Variants in AEBP2 observed in about 807,000 individuals in gnomAD.
AEBP2 encodes the protein zinc finger protein AEBP2.
Under a neutral mutation model 50.8 loss-of-function variants are expected in AEBP2, and 10 were observed. The observed-to-expected ratio is 0.20, with a 90% CI of 0.12 to 0.33. The LOEUF (loss-of-function observed/expected upper bound fraction) is 0.33. Among genes scored for constraint, AEBP2 ranks in the 10% least tolerant of loss-of-function variants. The probability of loss-of-function intolerance (pLI) is 1.00; values close to 1 mark genes in which losing one functional copy is unlikely to be tolerated. For missense variants in AEBP2, 570 were observed against 688.0 expected, an observed-to-expected ratio of 0.83 and a Z score of 1.92; for synonymous variants, 296 against 261.3, an observed-to-expected ratio of 1.13 and a Z score of -1.28.
rs931415389 is a variant in AEBP2, at chr12:19,519,794, C to T, written c.*1677C>T. 2.6e-5 allele frequency: 4 copies of T among 152,320 alleles called. No individual in the cohort carries two copies. Among genetic ancestry groups the T allele is most frequent in the Admixed American group, 1.3e-4 (2 of 15,258 alleles). The allele number at this position is 152,320 out of a possible 1,614,324, so 9.4% of individuals were successfully genotyped here. A position where few individuals can be genotyped will look rare whatever the true frequency, so the allele number is the denominator to read the frequency against. ...TGTAAAAATTATGAGAGACTTTATT[C>T]GTTAACAATGGGGGTAAAGAGCTAT... On this transcript the variant is annotated 3_prime_UTR_variant, in exon 8 of 8. Transcript: ENST00000266508.
At chr12:19,476,009 G>A (rs1948643716) in intron 3 of AEBP2, among the ~76,000 whole-genome samples, 1 of 152,052 alleles carries the variant, frequency 6.6e-6, no homozygotes, top group African/African-American at 2.4e-5. Flanking sequence ...TCTTTTATGT[G>A]CAGAAGCTGA....
chr12:19,449,695 C>T (rs1038043392), intron 1 of AEBP2, among the ~76,000 whole-genome samples: 1 of 152,128 alleles, frequency 6.6e-6, no homozygotes, highest in Non-Finnish European at 1.5e-5. Context: ...TTTTAAATTA[C>T]AGTGGTAATA....
rs561379909 is a variant in AEBP2, at chr12:19,512,104, C to T, written c.1300-294C>T. Among the ~76,000 whole-genome samples, 13 of 152,104 alleles carry T rather than the reference C, an allele frequency of 8.5e-5. No individual in the cohort carries two copies. The East Asian group carries it at 9.7e-4, about 11-fold the overall frequency. ...TGGCGTGATCTTGGCTCACTGCAAC[C>T]GCCACCTCCTGGGTTCAAGTGATTC... On this transcript the variant is annotated intron_variant, in intron 5 of 7. Transcript: ENST00000266508.
In AEBP2 at chr12:19,440,311, G is replaced by T. The variant is rs2153366001; in HGVS notation, c.612G>T (p.Arg204=). The T allele has an allele frequency of 6.8e-7, 1 of 1,466,908 alleles. No homozygotes were observed. The allele number at this position is 1,466,908 out of a possible 1,614,324, so 90.9% of individuals were successfully genotyped here. Residue 204 remains arginine (R), a synonymous_variant, in exon 1 of 8, where the codon CGG becomes CGT. Coordinates refer to ENST00000266508, the MANE Select transcript of AEBP2 (RefSeq NM_153207.5). ...GCAGCGCGACCTCCGGGGGCCGGCG[G>T]GGCAGCTTGGAGATGTCGTCGGATG... ...GGSSATSGGR[R]GSLEMSSDGE...
chr12:19,489,296 G>C (rs1948860639), intron 3 of AEBP2, among the ~76,000 whole-genome samples: 1 of 152,220 alleles, frequency 6.6e-6, no homozygotes, highest in Non-Finnish European at 1.5e-5. Context: ...AGGGGAAGCA[G>C]TATCTCTTCT....
In AEBP2 at chr12:19,485,583, C is replaced by T. The variant is rs111249693; in HGVS notation, c.988-8217C>T. ...AATTAGCCGGGCGTGTTGGCATGTA[C>T]CTGTAGACCCACCTACTCAGGAAGG... On this transcript the variant is annotated intron_variant, in intron 3 of 7. Transcript: ENST00000266508. Among the ~76,000 whole-genome samples the T allele has an allele frequency of 2.6e-5, 4 of 151,700 alleles. 1 individual carries two copies. Among genetic ancestry groups the T allele is most frequent in the African/African-American group, 9.7e-5 (4 of 41,382 alleles).
chr12:19,509,404 T>G (rs185613565), intron 5 of AEBP2, among the ~76,000 whole-genome samples: 266 of 152,288 alleles, frequency 1.7e-3, no homozygotes, highest in Middle Eastern at 6.8e-3. Flanking sequence ...TTGGCTTGAT[T>G]AGTTAAAGCT....
Position 19,464,354 on chromosome 12 carries a change from G to T in AEBP2, c.879+1637G>T, listed in dbSNP as rs1592738840. Among the ~76,000 whole-genome samples the T allele has an allele frequency of 3.3e-5, 5 of 152,186 alleles. No homozygotes were observed. The East Asian group carries it at 7.8e-4, about 24-fold the overall frequency. On this transcript the variant is annotated intron_variant, in intron 2 of 7. Transcript: ENST00000266508. ...CCATTTTTGAGCATCATGGCATGAT[G>T]CTTTTTTGTCACTTGACTTAGCAAC... is the stretch of plus-strand genomic sequence containing the variant.
intron 3 of AEBP2, among the ~76,000 whole-genome samples, chr12:19,478,351 A>G (rs900336783): frequency 2.0e-5 from 3 of 152,062 alleles, no homozygotes; most frequent in African/African-American, 7.2e-5. Flanking sequence ...GCTGGAGTGC[A>G]GTGGCATGAT....
At chr12:19,468,488 C>G (rs1045082108) in intron 2 of AEBP2, among the ~76,000 whole-genome samples, 1 of 152,172 alleles carries the variant, frequency 6.6e-6, no homozygotes, top group Non-Finnish European at 1.5e-5. Flanking sequence ...CATACTTACT[C>G]TGACAGATTA....
chr12:19,510,567 C>G (rs1286470079), intron 5 of AEBP2, among the ~76,000 whole-genome samples: 1 of 152,072 alleles, frequency 6.6e-6, no homozygotes, highest in Non-Finnish European at 1.5e-5. Flanking sequence ...ATGAAGCGTA[C>G]GTAACTTAAA....
In AEBP2 at chr12:19,500,669, A is replaced by G. The variant is rs535083261; in HGVS notation, c.1299+448A>G. On this transcript the variant is annotated intron_variant, in intron 5 of 7. Coordinates refer to ENST00000266508, the MANE Select transcript of AEBP2 (RefSeq NM_153207.5). ...ATCCAAAGTTTATGTTAAACAGAAT[A>G]TAAGATTATATTTGCTATCAGAGCT... Among the ~76,000 whole-genome samples the G allele has an allele frequency of 2.0e-5, 3 of 152,282 alleles. No homozygotes were observed. The East Asian group carries it at 5.8e-4, about 29-fold the overall frequency.
intron 3 of AEBP2, among the ~76,000 whole-genome samples, chr12:19,483,071 C>T (rs1406398070): frequency 6.6e-6 from 1 of 152,160 alleles, no homozygotes; most frequent in Non-Finnish European, 1.5e-5. Flanking sequence ...TGTTCCCTCG[C>T]CACCTCCCTT....
intron 1 of AEBP2, among the ~76,000 whole-genome samples, chr12:19,426,612 C>T (rs2095748674): frequency 6.6e-6 from 1 of 152,104 alleles, no homozygotes; most frequent in African/African-American, 2.4e-5. Flanking sequence ...GCTGGTTAAA[C>T]ATTATTTCTG....
intron 1 of AEBP2, among the ~76,000 whole-genome samples, chr12:19,423,931 A>T (rs1247211311): frequency 6.6e-6 from 1 of 152,248 alleles, no homozygotes; most frequent in East Asian, 1.9e-4. Context: ...AACACATAAA[A>T]TTTTATATAT....
At chr12:19,511,506 C>G (rs1279332340) in intron 5 of AEBP2, among the ~76,000 whole-genome samples, 1 of 152,104 alleles carries the variant, frequency 6.6e-6, no homozygotes, top group African/African-American at 2.4e-5. Flanking sequence ...CCTAAGTGCT[C>G]GGGGGAACTG....
rs901966257 is a variant in AEBP2 at position 19,521,949 on chromosome 12, C to A, written c.*3832C>A. 1 of 151,990 alleles carries A rather than the reference C, an allele frequency of 6.6e-6. No individual in the cohort carries two copies. The highest frequency in any genetic ancestry group is 1.5e-5 in the Non-Finnish European group (1 of 67,958). 9.4% of individuals were successfully genotyped at this position (151,990 alleles called of 1,614,324 possible). On this transcript the variant is annotated 3_prime_UTR_variant, in exon 8 of 8. Transcript: ENST00000266508. ...CCTCTGCATAAGTTCTCTGAAAGAA[C>A]TTAAATTCTTAGTTTATATGAAAAC...
chr12:19,412,218 C>T (rs541605008), intron 1 of AEBP2, among the ~76,000 whole-genome samples: 33 of 152,308 alleles, frequency 2.2e-4, no homozygotes, highest in Admixed American at 7.9e-4. Flanking sequence ...CACATATGAA[C>T]ACTAGAGCTG....
chr12:19,486,610 C>G (rs1948813914), intron 3 of AEBP2, among the ~76,000 whole-genome samples: 1 of 151,980 alleles, frequency 6.6e-6, no homozygotes, highest in Non-Finnish European at 1.5e-5. Flanking sequence ...TTCGAACTCG[C>G]AGGCCCAAGC....
Sources: gnomAD v4.1 joint callset for allele counts (sites outside exome capture counted in the v4.1 genomes callset) on GRCh38, gnomAD v4.1.1 for gene constraint, MANE v1.5 for transcripts, NCBI Gene and HGNC (gene_info 2026-07-23, HGNC 2026-07-21) for gene names.